CCN5: variants seen among roughly 807,000 people sequenced by gnomAD.
CCN5 encodes the protein cellular communication network factor 5.
CCN5 carries 17 observed loss-of-function variants against 18.7 expected under a neutral mutation model. That is an observed-to-expected ratio of 0.91 (90% CI 0.62 to 1.36). The LOEUF is 1.36. Ranked by LOEUF, CCN5 falls within the 40% of genes most tolerant of loss-of-function variation. The pLI is 0.00. For synonymous variants in CCN5, 135 were observed against 145.2 expected (o/e 0.93, Z 0.50); for missense variants, 367 against 342.9 (o/e 1.07, Z -0.56).
In CCN5 at chr20:44,726,627, C is replaced by T. The variant is rs190255682; in HGVS notation, c.533-460C>T. 1.7e-3 allele frequency among the ~76,000 whole-genome samples: 256 copies of T among 152,194 alleles called. 3 individuals are homozygous for T. Among genetic ancestry groups the T allele is most frequent in the African/African-American group, 5.1e-3 (210 of 41,530 alleles). ...TAGTGTAAGACTAGAAGGAAGGACACCAAAATACTCACAGAGGGAGACTTG... is the reference window on the plus strand; with the variant it reads ...TAGTGTAAGACTAGAAGGAAGGACATCAAAATACTCACAGAGGGAGACTTG... On this transcript the variant is annotated intron_variant, in intron 3 of 3. Transcript: ENST00000190983.
At position 44,715,414 on chromosome 20, in the gene CCN5, C is replaced by T. The variant is rs774255400; in HGVS notation, c.24C>T (p.His8=). The T allele has an allele frequency of 1.2e-6, 2 of 1,603,424 alleles. No homozygotes were observed. The highest frequency in any genetic ancestry group is 1.3e-5 in the African/African-American group (1 of 74,830). The change falls in exon 1 of 4, where the codon CAC becomes CAT. Residue 8 remains histidine, a synonymous_variant. Transcript: ENST00000190983. ...ACATGAGAGGCACACCGAAGACCCA[C>T]CTCCTGGCCTTCTCCCTCCTCTGCC... is the stretch of plus-strand genomic sequence containing the variant. MRGTPKT[H]LLAFSLLCLL...
chr20:44,723,898 G>T (rs1173635146), intron 2 of CCN5: 1 of 152,248 alleles, frequency 6.6e-6, no homozygotes, highest in South Asian at 2.1e-4. Context: ...TCACTGAAGG[G>T]GCATTCCTAC....
chr20:44,722,373 G>A (rs781194912), intron 2 of CCN5, among the ~76,000 whole-genome samples: 4 of 151,998 alleles, frequency 2.6e-5, no homozygotes, highest in Non-Finnish European at 5.9e-5. Context: ...CCCCCAGAAC[G>A]GCCTCCCCAG....
In CCN5 at chr20:44,724,825, G is replaced by A. The variant is rs369394532; in HGVS notation, c.365G>A (p.Arg122His). 2 of 1,609,898 alleles carry A rather than the reference G, an allele frequency of 1.2e-6. No homozygotes were observed. Among genetic ancestry groups the A allele is most frequent in the Non-Finnish European group, 8.5e-7 (1 of 1,178,828 alleles). The change falls in exon 3 of 4, where the codon CGC (arginine) becomes CAC (histidine). Residue 122 changes from arginine to histidine, a missense_variant. Physicochemically the swap from Arg to His is conservative, Grantham distance 29. Transcript: ENST00000190983. The part of the protein sequence containing the change: ...TFQPHCSIRC[R>H]CEDGGFTCVP... Reference sequence around the variant, plus strand: ...CAGCCCCACTGCAGCATCCGCTGCCGCTGCGAGGACGGCGGCTTCACCTGC... The same window carrying A: ...CAGCCCCACTGCAGCATCCGCTGCCACTGCGAGGACGGCGGCTTCACCTGC...
In CCN5 at chr20:44,727,282, G is replaced by T; in HGVS notation, c.728G>T (p.Arg243Leu). 6.2e-7 allele frequency: 1 copy of T among 1,612,470 alleles called. No homozygotes were observed. Among genetic ancestry groups the T allele is most frequent in the Non-Finnish European group, 8.5e-7 (1 of 1,179,380 alleles). The change falls in exon 4 of 4, where the codon CGC becomes CTC. Residue 243 changes from arginine (R) to leucine (L), a missense_variant. Physicochemically the swap from Arg to Leu is moderately radical, Grantham distance 102 (BLOSUM62 -2). Transcript: ENST00000190983. ...AGGCCCTGCCCACCCTCCAGGGGTCGCAGTCCACAAAACAGTGCCTTCTAG... is the reference window on the plus strand; with the variant it reads ...AGGCCCTGCCCACCCTCCAGGGGTCTCAGTCCACAAAACAGTGCCTTCTAG... ...LSRPCPPSRG[R>L]SPQNSAF
chr20:44,716,363 A>AT lies in CCN5; in HGVS notation c.60+917dup, dbSNP rs572260148. Reference sequence around the variant, plus strand: ...CCACCACAAGCCACGATCTCACTGTATTTTCACGCTCCTTTGAGGAGCACG... The same window carrying AT: ...CCACCACAAGCCACGATCTCACTGTATTTTTCACGCTCCTTTGAGGAGCACG... On this transcript the variant is annotated intron_variant, in intron 1 of 3. Coordinates refer to ENST00000190983, the MANE Select transcript of CCN5 (RefSeq NM_003881.4). 2.3e-3 allele frequency among the ~76,000 whole-genome samples: 354 copies of AT among 152,232 alleles called. 1 individual carries two copies. The highest frequency in any genetic ancestry group is 6.5e-3 in the African/African-American group (271 of 41,530).
chr20:44,727,373 G>A lies in CCN5; in HGVS notation c.*66G>A, dbSNP rs771327599. The A allele has an allele frequency of 6.6e-7, 1 of 1,518,148 alleles. No homozygotes were observed. Among genetic ancestry groups the A allele is most frequent in the South Asian group, 1.3e-5 (1 of 78,420 alleles). The allele number at this position is 1,518,148 out of a possible 1,614,324, so 94.0% of individuals were successfully genotyped here. ...GCTGGTGGCCCTGTGCCTGGGCCCT[G>A]GGCTGATGGAAGATGGTCCGTGCCC... On this transcript the variant is annotated 3_prime_UTR_variant, in exon 4 of 4. Transcript: ENST00000190983.
chr20:44,715,268 C>CAA, upstream of CCN5: 3 of 652,182 alleles, frequency 4.6e-6, no homozygotes, highest in East Asian at 2.9e-5. Context: ...TGTGAGCGCG[C>CAA]GCGCGCGCGC....
chr20:44,724,836 G>T lies in CCN5; in HGVS notation c.376G>T (p.Gly126Cys), dbSNP rs1165961240. The change falls in exon 3 of 4, where the codon GGC becomes TGC. Residue 126 changes from glycine to cysteine, a missense_variant. Coordinates refer to ENST00000190983, the MANE Select transcript of CCN5 (RefSeq NM_003881.4). ...CAGCATCCGCTGCCGCTGCGAGGAC[G>T]GCGGCTTCACCTGCGTGCCGCTGTG... Reference protein sequence around the residue: ...HCSIRCRCEDGGFTCVPLCSE... With the variant: ...HCSIRCRCEDCGFTCVPLCSE... 3.1e-6 allele frequency: 5 copies of T among 1,604,104 alleles called. No individual in the cohort carries two copies. The highest frequency in any genetic ancestry group is 2.2e-5 in the East Asian group (1 of 44,598).
upstream of CCN5, chr20:44,715,208 G>C (rs2065847182): frequency 3.3e-6 from 2 of 611,700 alleles, no homozygotes; most frequent in Non-Finnish European, 5.8e-6. Context: ...AGCGAAGCAA[G>C]GAATGAAAAA....
chr20:44,721,158 G>C (rs2065896946), intron 2 of CCN5: 1 of 152,064 alleles, frequency 6.6e-6, no homozygotes, highest in Non-Finnish European at 1.5e-5. Context: ...GAAAGAGAGA[G>C]AGAGAGAAGC....
At chr20:44,716,631 A>C (rs2065861647) in intron 1 of CCN5, 1 of 152,270 alleles carries the variant, frequency 6.6e-6, no homozygotes, top group Non-Finnish European at 1.5e-5. Flanking sequence ...TTACGGGACC[A>C]TTCTTCCCTG....
chr20:44,724,507 A>T, intron 2 of CCN5: 1 of 581,444 alleles, frequency 1.7e-6, no homozygotes, highest in Non-Finnish European at 2.9e-6. Flanking sequence ...GAAAGGGCAG[A>T]GTTTGGGGGG....
chr20:44,725,212 C>A (rs978255209), intron 3 of CCN5, among the ~76,000 whole-genome samples: 2 of 151,554 alleles, frequency 1.3e-5, no homozygotes, highest in Admixed American at 6.6e-5. Flanking sequence ...CCAAGACGGG[C>A]GGATCACCTG....
At chr20:44,721,533 A>G (rs1341348828) in intron 2 of CCN5, 1 of 151,520 alleles carries the variant, frequency 6.6e-6, no homozygotes, top group East Asian at 1.9e-4. Flanking sequence ...AAAAAAAAAA[A>G]AAAAGTAATA....
Position 44,720,037 on chromosome 20 carries a change from C to G in CCN5, c.201C>G (p.Leu67=). Residue 67 remains leucine, a synonymous_variant, in exon 2 of 4, where the codon CTC becomes CTG. Transcript: ENST00000190983. ...GGCTGGGGGAGCCCTGCGACCAACT[C>G]CACGTCTGCGACGCCAGCCAGGGCC... The part of the protein sequence containing the change: ...ARRLGEPCDQ[L]HVCDASQGLV... The G allele has an allele frequency of 1.9e-6, 3 of 1,600,726 alleles. No homozygotes were observed. The highest frequency in any genetic ancestry group is 2.5e-6 in the Non-Finnish European group (3 of 1,177,320).
chr20:44,721,511 CAAAAAAAAAAAAAA>C (rs59320118), intron 2 of CCN5: 1 of 53,634 alleles, frequency 1.9e-5, no homozygotes, highest in Non-Finnish European at 3.3e-5. Flanking sequence ...ACCCTATCTC[CAAAAAAAAAAAAAA>C]AAAAAAAAAA....
At chr20:44,725,450 A>G (rs2065930236) in intron 3 of CCN5, among the ~76,000 whole-genome samples, 1 of 152,094 alleles carries the variant, frequency 6.6e-6, no homozygotes, top group Non-Finnish European at 1.5e-5. Flanking sequence ...AAAAGAGGAA[A>G]AAAGAAAGAG....
intron 2 of CCN5, chr20:44,720,425 C>T (rs1355062750): frequency 6.6e-6 from 3 of 454,698 alleles, no homozygotes; most frequent in African/African-American, 2.0e-5. Context: ...TTCTTCAAAC[C>T]AGATGCCACC....
Sources: gnomAD v4.1 joint callset for allele counts (sites outside exome capture counted in the v4.1 genomes callset) on GRCh38, gnomAD v4.1.1 for gene constraint, MANE v1.5 for transcripts, NCBI Gene and HGNC (gene_info 2026-07-23, HGNC 2026-07-21) for gene names.